Variants in MYO15B observed in about 807,000 individuals in gnomAD.
MYO15B encodes the protein myosin XVB, also known as myosin XVB pseudogene.
Under a neutral mutation model 119.3 loss-of-function variants are expected in MYO15B, and 207 were observed. The ratio of observed to expected loss-of-function variants is 1.73; its 90% CI spans 1.55 to 1.95. The LOEUF (loss-of-function observed/expected upper bound fraction) is 1.95. Ranked by LOEUF, MYO15B falls within the 30% of genes most tolerant of loss-of-function variation. The pLI is 0.00. For missense variants in MYO15B, 2,264 were observed against 1,203.1 expected (o/e 1.88, Z -13.04); for synonymous variants, 966 against 498.9 (o/e 1.94, Z -12.48).
chr17:75,609,893 G>A (rs1418468573), intron 21 of MYO15B, among the ~76,000 whole-genome samples: 1 of 152,090 alleles, frequency 6.6e-6, no homozygotes, highest in East Asian at 1.9e-4. Context: ...GTTTCACCAT[G>A]TTGGCCAGGC....
At chr17:75,616,772 G>A (rs769015691) in exon 39 of MYO15B, 14 of 702,914 alleles carry the variant, frequency 2.0e-5, no homozygotes, top group African/African-American at 1.0e-4. Flanking sequence ...GCCTGTGCCC[G>A]TGCAGCCATC....
At position 75,615,496 on chromosome 17, in the gene MYO15B, C is replaced by T. The variant is rs564571756; in HGVS notation, c.5741-7C>T. ...CCCACCACTCTGGCCGCCTGCCGCC[C>T]TCACAGCCATGGTGGTGCCGCCGCA... On this transcript the variant is annotated splice_polypyrimidine_tract_variant and splice_region_variant and intron_variant, in intron 34 of 63. Transcript: ENST00000645453. 1 of 689,206 alleles carries T rather than the reference C, an allele frequency of 1.5e-6. No homozygotes were observed. Among genetic ancestry groups the T allele is most frequent in the African/African-American group, 1.7e-5 (1 of 57,198 alleles). 42.7% of individuals were successfully genotyped at this position (689,206 alleles called of 1,614,324 possible).
intron 14 of MYO15B, among the ~76,000 whole-genome samples, chr17:75,599,766 G>C (rs989425444): frequency 6.6e-6 from 1 of 151,130 alleles, no homozygotes. Flanking sequence ...GTGGTGGCGG[G>C]TGCCTGTAGT....
At chr17:75,626,638 T>TATCA in exon 64 of MYO15B, 1 of 617,520 alleles carries the variant, frequency 1.6e-6, no homozygotes, top group African/African-American at 1.8e-5. Flanking sequence ...CAGGGGCTGC[T>TATCA]ATCACGTCAC....
At position 75,623,960 on chromosome 17, in the gene MYO15B, C is replaced by G. The variant is rs1598936662; in HGVS notation, c.8168C>G (p.Thr2723Ser). 3 of 702,910 alleles carry G rather than the reference C, an allele frequency of 4.3e-6. No individual in the cohort carries two copies. In the African/African-American group the frequency reaches 5.2e-5, roughly 12 times the overall value. 43.5% of individuals were successfully genotyped at this position (702,910 alleles called of 1,614,324 possible). ...GCTCTGCCCTGCAGGGAACACTGCA[C>G]TCGAGGCTGGAGCTTCCTCAGCCTT... is the stretch of plus-strand genomic sequence containing the variant. The change falls in exon 55 of 64, where the codon ACT becomes AGT. Residue 2723 changes from threonine (T) to serine (S), a missense_variant. Coordinates refer to ENST00000645453, the Ensembl canonical transcript of MYO15B.
intron 45 of MYO15B, 49 bp from the exon 46 acceptor site, chr17:75,619,632 G>T: frequency 1.4e-6 from 1 of 699,418 alleles, no homozygotes; most frequent in Non-Finnish European, 2.6e-6. Context: ...GGCATCTTGG[G>T]CAGTAGCAGG....
At chr17:75,603,932 T>C (rs941722955) in intron 19 of MYO15B, among the ~76,000 whole-genome samples, 1 of 151,714 alleles carries the variant, frequency 6.6e-6, no homozygotes, top group African/African-American at 2.4e-5. Context: ...GCAGGTGGAG[T>C]CACTTCTCGT....
chr17:75,613,028 G>A (rs1241444898), exon 27 of MYO15B: 1 of 698,572 alleles, frequency 1.4e-6, no homozygotes, highest in African/African-American at 1.7e-5. Flanking sequence ...GCAGATCATG[G>A]GCGCATACCT....
At position 75,600,856 on chromosome 17, in the gene MYO15B, G is replaced by A. The variant is rs187146753; in HGVS notation, c.3526-582G>A. Reference sequence around the variant, plus strand: ...ACCTGCCTTGGCCTCAAAGCGCTGCGGTTACAGGCATGAGCCACTGCGCCT... The same window carrying A: ...ACCTGCCTTGGCCTCAAAGCGCTGCAGTTACAGGCATGAGCCACTGCGCCT... On this transcript the variant is annotated intron_variant, in intron 14 of 63. Coordinates refer to ENST00000645453, the Ensembl canonical transcript of MYO15B. 7.9e-4 allele frequency among the ~76,000 whole-genome samples: 119 copies of A among 150,986 alleles called. 1 individual carries two copies. The highest frequency in any genetic ancestry group is 3.1e-3 in the South Asian group (15 of 4,798).
intron 25 of MYO15B, 25 bp from the exon 26 acceptor site, chr17:75,612,773 G>A (rs1158690570): frequency 1.4e-6 from 1 of 702,898 alleles, no homozygotes; most frequent in Admixed American, 2.0e-5. Flanking sequence ...GGTGAGCATG[G>A]ACTGAGCCCT....
intron 52 of MYO15B, 30 bp from the exon 53 acceptor site, chr17:75,621,963 ACAGCCCCAGCT>A: frequency 1.4e-6 from 1 of 701,514 alleles, no homozygotes; most frequent in Middle Eastern, 2.3e-4. Flanking sequence ...CAGCCCCAGC[ACAGCCCCAGCT>A]ATGTGCCCTG....
intron 47 of MYO15B, 54 bp from the exon 48 acceptor site, chr17:75,620,166 GCAGGGGGAGCAGGTGGGCAGGCAGGA>G: frequency 1.4e-6 from 1 of 697,674 alleles, no homozygotes. Context: ...GGGCAGGCCA[GCAGGGGGAGCAGGTGGGCAGGCAGGA>G]CAGGGAGGCA....
At chr17:75,591,417 G>A (rs927350964) in intron 4 of MYO15B, 171 bp downstream of exon 4, 10 of 617,812 alleles carry the variant, frequency 1.6e-5, no homozygotes, top group Non-Finnish European at 2.9e-5. Flanking sequence ...CCCCTGGAAT[G>A]TGGCATCTTG....
chr17:75,616,741 C>A lies in MYO15B; in HGVS notation c.6462C>A (p.Tyr2154Ter), dbSNP rs183808602. The A allele has an allele frequency of 2.6e-5, 18 of 703,050 alleles. No homozygotes were observed. In the East Asian group the frequency reaches 4.8e-4, roughly 19 times the overall value. The allele number at this position is 703,050 out of a possible 1,614,324, so 43.6% of individuals were successfully genotyped here. Residue 2154 changes from tyrosine (Y) to a stop codon, truncating the protein, a stop_gained, in exon 39 of 64, where the codon TAC becomes TAA. Transcript: ENST00000645453. LOFTEE classifies it high-confidence loss of function. The stretch of plus-strand genomic sequence containing the variant: ...AAATTGGCAACATCATCCGCATGTA[C>A]CAGAGCCGCCCGGGCCCCGTGCCTG...
At chr17:75,621,444 T>C (rs1330032704) in intron 51 of MYO15B, 36 bp downstream of exon 51, 1 of 698,744 alleles carries the variant, frequency 1.4e-6, no homozygotes, top group African/African-American at 1.7e-5. Context: ...GGCCCGTAGA[T>C]CTGCCCTCTG....
chr17:75,596,893 G>A, exon 14 of MYO15B: 1 of 700,740 alleles, frequency 1.4e-6, no homozygotes, highest in Non-Finnish European at 2.6e-6. Flanking sequence ...AGACATGGCT[G>A]TCCCAGGTAA....
rs1291883077 is a variant in MYO15B, at chr17:75,610,979, G to A, written c.4446+20G>A. On this transcript the variant is annotated intron_variant, in intron 23 of 63. Transcript: ENST00000645453. ...AGCATGGTAGGTGGCCTGGAAAGTG[G>A]GGGGTTTTACATGGGGCTATGAACC... 2.8e-6 allele frequency: 2 copies of A among 702,806 alleles called. No individual in the cohort carries two copies. The highest frequency in any genetic ancestry group is 5.2e-6 in the Non-Finnish European group (2 of 384,992). 43.5% of individuals were successfully genotyped at this position (702,806 alleles called of 1,614,324 possible). A position where few individuals can be genotyped will look rare whatever the true frequency, so the allele number is the denominator to read the frequency against.
exon 1 of MYO15B, chr17:75,588,698 C>T (rs1459946936): frequency 2.5e-6 from 1 of 399,448 alleles, no homozygotes; most frequent in Non-Finnish European, 4.4e-6. Context: ...AGCGACTGGC[C>T]CCACGCAGAT....
At chr17:75,614,428 C>T (rs1472120977) in intron 30 of MYO15B, 68 bp downstream of exon 30, 10 of 682,686 alleles carry the variant, frequency 1.5e-5, no homozygotes, top group Non-Finnish European at 2.7e-5. Flanking sequence ...CACCCTGCCA[C>T]ACTCAGGGGT....
Sources: allele counts gnomAD v4.1 joint callset (sites outside exome capture counted in the v4.1 genomes callset), GRCh38; gene constraint gnomAD v4.1.1; transcripts MANE v1.5; gene names NCBI Gene and HGNC (gene_info 2026-07-23, HGNC 2026-07-21).